Variants in IPO9 observed in about 807,000 individuals in gnomAD.
IPO9 encodes importin-9.
IPO9 carries 28 observed loss-of-function variants against 128.6 expected under a neutral mutation model. The ratio of observed to expected loss-of-function variants is 0.22; its 90% CI spans 0.16 to 0.30. IPO9 has a LOEUF of 0.30. Ranked by LOEUF, IPO9 falls within the 10% of genes least tolerant of loss-of-function variation. The probability of loss-of-function intolerance (pLI) is 1.00; values close to 1 mark genes in which losing one functional copy is unlikely to be tolerated. For synonymous variants in IPO9, 455 were observed against 475.8 expected (o/e 0.96, Z 0.57); for missense variants, 935 against 1,293.9 (o/e 0.72, Z 4.26).
chr1:201,829,205 A>G lies in IPO9; in HGVS notation c.-5A>G. The G allele has an allele frequency of 1.3e-6, 2 of 1,534,994 alleles. No individual in the cohort carries two copies. Among genetic ancestry groups the G allele is most frequent in the Non-Finnish European group, 1.7e-6 (2 of 1,145,730 alleles). ...CGCGGGGCTGGCGGGCTGAGGGGAGAAAAGATGGCGGCGGCGGCGGCAGCT... is the reference window on the plus strand; with the variant it reads ...CGCGGGGCTGGCGGGCTGAGGGGAGGAAAGATGGCGGCGGCGGCGGCAGCT... On this transcript the variant is annotated 5_prime_UTR_variant, in exon 1 of 24. Transcript: ENST00000361565.
At chr1:201,861,994 C>T (rs1680457367) in intron 13 of IPO9, among the ~76,000 whole-genome samples, 1 of 152,092 alleles carries the variant, frequency 6.6e-6, no homozygotes, top group South Asian at 2.1e-4. Flanking sequence ...GGGATGTGTA[C>T]TTGAGTTTGG....
In IPO9 at chr1:201,855,808, C is replaced by T. The variant is rs745934355; in HGVS notation, c.996C>T (p.Leu332=). 18 of 1,610,178 alleles carry T rather than the reference C, an allele frequency of 1.1e-5. No homozygotes were observed. Among genetic ancestry groups the T allele is most frequent in the East Asian group, 4.5e-5 (2 of 44,842 alleles). ...SDGEVLGFEN[L]VFSIFEFVHA... ...GTGAAGTCCTGGGCTTTGAAAATCT[C>T]GTCTTTAGCATTTTTGAATTTGTCC... The change falls in exon 10 of 24, where the codon CTC becomes CTT. Residue 332 remains leucine (L), a synonymous_variant. Coordinates refer to ENST00000361565, the MANE Select transcript of IPO9 (RefSeq NM_018085.5).
At chr1:201,872,357 C>T (rs1269743805) in intron 19 of IPO9, among the ~76,000 whole-genome samples, 1 of 152,160 alleles carries the variant, frequency 6.6e-6, no homozygotes, top group Non-Finnish European at 1.5e-5. Context: ...AACAGGTCAC[C>T]TGTAATCCCG....
intron 1 of IPO9, among the ~76,000 whole-genome samples, chr1:201,830,184 C>G (rs1000645972): frequency 6.6e-6 from 1 of 152,202 alleles, no homozygotes; most frequent in African/African-American, 2.4e-5. Flanking sequence ...AATCCAGAAA[C>G]AGGAGGAGAA....
At chr1:201,841,371 G>A (rs1010082763) in intron 1 of IPO9, among the ~76,000 whole-genome samples, 16 of 152,260 alleles carry the variant, frequency 1.1e-4, no homozygotes, top group Non-Finnish European at 2.2e-4. Context: ...GATGATGAGA[G>A]CCAAGTGTAT....
In IPO9 at chr1:201,867,025, A is replaced by G. The variant is rs2271765; in HGVS notation, c.1855+66A>G. The G allele has an allele frequency of 6.8e-5, 89 of 1,300,614 alleles. No individual in the cohort carries two copies. In the East Asian group the frequency reaches 2.0e-3, roughly 29 times the overall value. 80.6% of individuals were successfully genotyped at this position (1,300,614 alleles called of 1,614,324 possible). A position where few individuals can be genotyped will look rare whatever the true frequency, so the allele number is the denominator to read the frequency against. On this transcript the variant is annotated intron_variant, in intron 15 of 23. Transcript: ENST00000361565. ...AAAAGGTGGTGGCTGGTGAATTTAA[A>G]TGAAAGATTCCCTAGGTCTGGTCTT...
At chr1:201,853,495 A>G (rs1680263875) in intron 6 of IPO9, among the ~76,000 whole-genome samples, 1 of 151,674 alleles carries the variant, frequency 6.6e-6, no homozygotes, top group Non-Finnish European at 1.5e-5. Context: ...AGCCTCCCAA[A>G]GTGCTGGGGT....
In IPO9 at chr1:201,855,865, C is replaced by T. The variant is rs1680320027; in HGVS notation, c.1053C>T (p.Ser351=). Residue 351 remains serine (S), a synonymous_variant, in exon 10 of 24, where the codon AGC becomes AGT. Transcript: ENST00000361565. ...HALLENSKFK[S]TVKKALPELI... Reference sequence around the variant, plus strand: ...TACTAGAAAATAGCAAATTCAAAAGCACTGTTAAGAAAGCCTTGCCTGAAT... The same window carrying T: ...TACTAGAAAATAGCAAATTCAAAAGTACTGTTAAGAAAGCCTTGCCTGAAT... 1 of 1,611,890 alleles carries T rather than the reference C, an allele frequency of 6.2e-7. No individual in the cohort carries two copies. The highest frequency in any genetic ancestry group is 8.5e-7 in the Non-Finnish European group (1 of 1,179,308).
rs367807232 is a variant in IPO9, at chr1:201,854,734, G to T, written c.810+20G>T. ...CTAAAGGTAAACACTTACTACCAAT[G>T]AAATATTTGGAGTTTGAGGGGCTGG... On this transcript the variant is annotated intron_variant, in intron 7 of 23. Coordinates refer to ENST00000361565, the MANE Select transcript of IPO9 (RefSeq NM_018085.5). 1 of 1,611,594 alleles carries T rather than the reference G, an allele frequency of 6.2e-7. No individual in the cohort carries two copies. Among genetic ancestry groups the T allele is most frequent in the African/African-American group, 1.3e-5 (1 of 74,752 alleles).
rs760483715 is a variant in IPO9 at position 201,870,662 on chromosome 1, A to G, written c.2213A>G (p.Asn738Ser). The change falls in exon 18 of 24, where the codon AAT becomes AGT. Residue 738 changes from asparagine (N) to serine (S), a missense_variant. Asn to Ser is a conservative substitution (Grantham distance 46). Transcript: ENST00000361565. This position sits in a 1 kb window ranked among gnomAD's most constrained non-coding sequence, Gnocchi z 4.9. ...VAQWHDEQGH[N>S]GLWYVMQVVS... ...CAGTGGCATGATGAGCAGGGCCACAATGGACTGTGGTATGTGATGCAAGTG... is the reference window on the plus strand; with the variant it reads ...CAGTGGCATGATGAGCAGGGCCACAGTGGACTGTGGTATGTGATGCAAGTG... 1.3e-5 allele frequency: 21 copies of G among 1,614,074 alleles called. No individual in the cohort carries two copies. Among genetic ancestry groups the G allele is most frequent in the East Asian group, 8.9e-5 (4 of 44,894 alleles).
At chr1:201,831,264 A>G (rs1261360170) in intron 1 of IPO9, among the ~76,000 whole-genome samples, 1 of 152,170 alleles carries the variant, frequency 6.6e-6, no homozygotes, top group African/African-American at 2.4e-5. Flanking sequence ...CCCGACCCCC[A>G]TAACTTACTG....
At position 201,870,712 on chromosome 1, in the gene IPO9, A is replaced by T. The variant is rs1406910054; in HGVS notation, c.2263A>T (p.Thr755Ser). The T allele has an allele frequency of 2.5e-6, 4 of 1,614,164 alleles. No homozygotes were observed. The highest frequency in any genetic ancestry group is 3.4e-6 in the Non-Finnish European group (4 of 1,180,024). The change falls in exon 18 of 24, where the codon ACC (threonine) becomes TCC (serine). Residue 755 changes from threonine to serine, a missense_variant. Around this residue, in one of 3 missense-constraint regions of IPO9, gnomAD observed 741 missense variants for 1,019.1 expected, o/e 0.73. Transcript: ENST00000361565. The surrounding 1 kb of genome is among the most constrained non-coding windows in gnomAD (Gnocchi z 4.9). Reference protein sequence around the residue: ...QVVSQLLDPRTSEFTAAFVGR... With the variant: ...QVVSQLLDPRSSEFTAAFVGR... Reference sequence around the variant, plus strand: ...GGTGAGCCAGCTCCTGGACCCCCGCACCTCAGAGTTCACTGCGGCCTTTGT... The same window carrying T: ...GGTGAGCCAGCTCCTGGACCCCCGCTCCTCAGAGTTCACTGCGGCCTTTGT...
intron 6 of IPO9, among the ~76,000 whole-genome samples, chr1:201,853,324 C>A (rs1680258708): frequency 6.6e-6 from 1 of 151,748 alleles, no homozygotes; most frequent in Non-Finnish European, 1.5e-5. Context: ...GCCTTGAACT[C>A]CTGGGCTTAA....
intron 19 of IPO9, 63 bp downstream of exon 19, chr1:201,871,390 T>G (rs1326294474): frequency 2.8e-6 from 3 of 1,077,578 alleles, no homozygotes; most frequent in East Asian, 3.1e-5. Flanking sequence ...TTTTTTTTTT[T>G]TTTTTTTTTT....
chr1:201,856,019 T>C, intron 10 of IPO9, 85 bp downstream of exon 10: 3 of 996,968 alleles, frequency 3.0e-6, no homozygotes, highest in South Asian at 1.9e-5. Context: ...GGTGAACACT[T>C]TATTTCTAAA....
chr1:201,847,251 T>G (rs1339361027), intron 1 of IPO9, 28 bp from the exon 2 acceptor site: 2 of 1,582,706 alleles, frequency 1.3e-6, no homozygotes, highest in African/African-American at 1.3e-5. Flanking sequence ...CTAGGTACTC[T>G]TAGACTCAAT....
In IPO9 at chr1:201,870,289, G is replaced by A. The variant is rs1680623024; in HGVS notation, c.2134-294G>A. On this transcript the variant is annotated intron_variant, in intron 17 of 23. Transcript: ENST00000361565. The surrounding 1 kb of genome is among the most constrained non-coding windows in gnomAD (Gnocchi z 4.9). ...GTAAGCATATTTTTTTAGTACCAGA[G>A]GTAGACCTTTATGATTAAAATTCAT... Among the ~76,000 whole-genome samples the A allele has an allele frequency of 6.6e-6, 1 of 152,014 alleles. No homozygotes were observed. The highest frequency in any genetic ancestry group is 1.5e-5 in the Non-Finnish European group (1 of 68,012).
intron 5 of IPO9, 29 bp from the exon 6 acceptor site, chr1:201,852,982 A>G (rs769031530): frequency 1.9e-6 from 3 of 1,582,778 alleles, no homozygotes; most frequent in African/African-American, 1.3e-5. Flanking sequence ...TCTCGTGGCT[A>G]TGCTGTTATG....
chr1:201,858,648 T>C, intron 12 of IPO9, 95 bp downstream of exon 12: 3 of 896,150 alleles, frequency 3.3e-6, no homozygotes, highest in South Asian at 2.3e-5. Flanking sequence ...AATTTGAAAA[T>C]CTGGTTTTAA....
Sources: gnomAD v4.1 joint callset for allele counts (sites outside exome capture counted in the v4.1 genomes callset) on GRCh38, gnomAD v4.1.1 for gene constraint, gnomAD v4.1.1 regional missense constraint, Gnocchi (gnomAD v3.1) non-coding constraint, MANE v1.5 for transcripts, NCBI Gene and HGNC (gene_info 2026-07-23, HGNC 2026-07-21) for gene names.